Variants in PCDH15 observed in about 807,000 individuals in gnomAD.
PCDH15 encodes the protein protocadherin related 15.
PCDH15 carries 129 observed loss-of-function variants against 178.5 expected under a neutral mutation model. The observed-to-expected ratio is 0.72, with a 90% confidence interval of 0.63 to 0.84. The LOEUF (loss-of-function observed/expected upper bound fraction) is 0.84, where lower values mean the gene tolerates loss of function less well. Among genes scored for constraint, PCDH15 ranks in the 40% least tolerant of loss-of-function variants. The pLI, the probability that PCDH15 is intolerant of heterozygous loss-of-function variation, is 0.00. For synonymous variants in PCDH15, 800 were observed against 732.0 expected (o/e 1.09, Z -1.50); for missense variants, 2,230 against 2,099.9 (o/e 1.06, Z -1.21).
chr10:54,121,996 G>GACACAGACACACAGAC (rs756158522), intron 15 of PCDH15, among the ~76,000 whole-genome samples: 24 of 95,944 alleles, frequency 2.5e-4, no homozygotes, highest in African/African-American at 8.3e-4. Context: ...ACCGGGCAAA[G>GACACAGACACACAGAC]ACACATACAC....
chr10:55,409,693 C>G (rs1353666142), intron 2 of PCDH15, among the ~76,000 whole-genome samples: 1 of 152,080 alleles, frequency 6.6e-6, no homozygotes, highest in East Asian at 1.9e-4. Flanking sequence ...AAATCTATAG[C>G]AAATAGCAGT....
chr10:54,523,881 C>T (rs1442647121), intron 3 of PCDH15, among the ~76,000 whole-genome samples: 6 of 152,056 alleles, frequency 3.9e-5, no homozygotes, highest in East Asian at 1.9e-4. Flanking sequence ...TAACTGTTTA[C>T]GGCAAAAGGA....
intron 5 of PCDH15, among the ~76,000 whole-genome samples, chr10:54,357,437 C>G (rs1945203680): frequency 6.6e-6 from 1 of 152,018 alleles, no homozygotes; most frequent in Admixed American, 6.6e-5. Context: ...AATAAAATAC[C>G]TAGGAATCCA....
At chr10:54,873,854 T>C (rs895236034) in intron 3 of PCDH15, among the ~76,000 whole-genome samples, 1 of 150,184 alleles carries the variant, frequency 6.7e-6, no homozygotes, top group Non-Finnish European at 1.5e-5. Context: ...TTCTGCCTAT[T>C]AGCTGAGTGG....
chr10:55,085,926 T>C (rs1055802067), intron 2 of PCDH15, among the ~76,000 whole-genome samples: 5 of 151,730 alleles, frequency 3.3e-5, no homozygotes, highest in African/African-American at 1.2e-4. Flanking sequence ...TATTTAGTTA[T>C]ATGTATTTGA....
chr10:54,993,705 C>T (rs1839568515), intron 2 of PCDH15, among the ~76,000 whole-genome samples: 1 of 152,086 alleles, frequency 6.6e-6, no homozygotes, highest in South Asian at 2.1e-4. Context: ...CCTCTTAAGA[C>T]ACCAGATAAC....
intron 1 of PCDH15, among the ~76,000 whole-genome samples, chr10:54,797,316 A>G (rs1305167285): frequency 6.6e-6 from 1 of 151,932 alleles, no homozygotes; most frequent in African/African-American, 2.4e-5. Flanking sequence ...GAAATGCTTC[A>G]TTTTCTTTAG....
chr10:55,563,177 CA>C (rs1842233554), intron 2 of PCDH15, among the ~76,000 whole-genome samples: 1 of 151,824 alleles, frequency 6.6e-6, no homozygotes, highest in Non-Finnish European at 1.5e-5. Flanking sequence ...ATGGTAGAGA[CA>C]AAAAGGTGGT....
intron 1 of PCDH15, among the ~76,000 whole-genome samples, chr10:55,248,197 CAT>C (rs376422386): frequency 0.017 from 2,643 of 151,298 alleles, 32 homozygotes; most frequent in African/African-American, 0.034. Context: ...AATACATACA[CAT>C]ATATATATAC....
At chr10:55,037,068 C>T (rs1033914821) in intron 2 of PCDH15, among the ~76,000 whole-genome samples, 1 of 152,076 alleles carries the variant, frequency 6.6e-6, no homozygotes, top group African/African-American at 2.4e-5. Flanking sequence ...AGACATTTTT[C>T]CCATCACAGA....
chr10:55,041,782 A>G (rs996488918), intron 2 of PCDH15, among the ~76,000 whole-genome samples: 1 of 152,286 alleles, frequency 6.6e-6, no homozygotes, highest in South Asian at 2.1e-4. Context: ...ATTGGGATTT[A>G]GAAATAAACT....
At chr10:55,336,774 T>C (rs1480972710) in intron 2 of PCDH15, among the ~76,000 whole-genome samples, 2 of 152,150 alleles carry the variant, frequency 1.3e-5, no homozygotes, top group African/African-American at 4.8e-5. Context: ...ATGAAAAACA[T>C]AGCTTTCCGT....
intron 2 of PCDH15, among the ~76,000 whole-genome samples, chr10:54,968,034 T>C (rs1212704492): frequency 6.6e-6 from 1 of 152,184 alleles, no homozygotes; most frequent in African/African-American, 2.4e-5. Flanking sequence ...AGTTTTAACA[T>C]ACGCATTTTG....
At chr10:54,476,176 C>G (rs1005227595) in intron 3 of PCDH15, among the ~76,000 whole-genome samples, 2 of 151,518 alleles carry the variant, frequency 1.3e-5, no homozygotes, top group African/African-American at 4.8e-5. Flanking sequence ...AAATGAAATA[C>G]TTAAGTGCCT....
chr10:54,827,340 A>C (rs1953149237), intron 3 of PCDH15, among the ~76,000 whole-genome samples: 1 of 152,212 alleles, frequency 6.6e-6, no homozygotes, highest in African/African-American at 2.4e-5. Flanking sequence ...TTTTTTATAC[A>C]TTGTCAAACA....
chr10:54,347,291 AT>A (rs930708510), intron 5 of PCDH15, among the ~76,000 whole-genome samples: 1 of 152,080 alleles, frequency 6.6e-6, no homozygotes, highest in African/African-American at 2.4e-5. Context: ...CATTAGTTAA[AT>A]TTCAACTTAA....
At chr10:54,571,333 GAAAAAAAAAA>G (rs60604711) in intron 2 of PCDH15, among the ~76,000 whole-genome samples, 37,281 of 128,702 alleles carry the variant, frequency 0.29, 5,205 homozygotes, top group Non-Finnish European at 0.31. Flanking sequence ...GACAAAATTT[GAAAAAAAAAA>G]AAAAAAAAAA....
At chr10:54,815,225 T>G (rs1179546047) in intron 3 of PCDH15, among the ~76,000 whole-genome samples, 1 of 151,998 alleles carries the variant, frequency 6.6e-6, no homozygotes, top group Non-Finnish European at 1.5e-5. Context: ...AAGAAAAAAG[T>G]ATGGCATGAA....
At chr10:55,226,129 CA>C (rs1234044853) in intron 1 of PCDH15, among the ~76,000 whole-genome samples, 10 of 152,028 alleles carry the variant, frequency 6.6e-5, no homozygotes, top group African/African-American at 2.4e-4. Context: ...AAGGCTTGAA[CA>C]AACAGTTTCT....
Sources: allele counts gnomAD v4.1 joint callset (sites outside exome capture counted in the v4.1 genomes callset), GRCh38; gene constraint gnomAD v4.1.1; transcripts MANE v1.5; gene names NCBI Gene and HGNC (gene_info 2026-07-23, HGNC 2026-07-21).